The following CORIN variants were observed in gnomAD, a reference collection of about 807,000 sequenced individuals.
CORIN encodes the protein corin, serine peptidase, also known as atrial natriuretic peptide-converting enzyme.
A neutral mutation model predicts 125.3 loss-of-function variants in CORIN; 117 were observed. The observed-to-expected ratio is 0.93, with a 90% CI of 0.80 to 1.09. The LOEUF is 1.09. CORIN is among the 50% of genes least tolerant of loss of function. The pLI is 0.00. For synonymous variants in CORIN, 450 were observed against 466.4 expected, an observed-to-expected ratio of 0.96 and a Z score of 0.45; for missense variants, 1,253 against 1,306.7, an observed-to-expected ratio of 0.96 and a Z score of 0.63.
At chr4:47,599,261 GGAGCT>G (rs1435361172) in intron 21 of CORIN, among the ~76,000 whole-genome samples, 1 of 152,026 alleles carries the variant, frequency 6.6e-6, no homozygotes, top group African/African-American at 2.4e-5. Context: ...AAATGCCAAG[GGAGCT>G]GTCTGCCTCC....
intron 3 of CORIN, among the ~76,000 whole-genome samples, chr4:47,780,121 C>T (rs1273223662): frequency 6.6e-5 from 10 of 151,570 alleles, no homozygotes; most frequent in African/African-American, 2.2e-4. Flanking sequence ...TAAGCTATTG[C>T]CTTGAAGATA....
chr4:47,641,941 G>A lies in CORIN; in HGVS notation c.2177C>T (p.Ala726Val), dbSNP rs780988498. The A allele has an allele frequency of 5.6e-6, 9 of 1,613,254 alleles. No individual in the cohort carries two copies. The highest frequency in any genetic ancestry group is 1.1e-5 in the South Asian group (1 of 91,050). The change falls in exon 16 of 22, where the codon GCC (alanine) becomes GTC (valine). Residue 726 changes from alanine (A) to valine (V), a missense_variant. Coordinates refer to ENST00000273857, the MANE Select transcript of CORIN (RefSeq NM_006587.4). ...DGWQEILSQL[A>V]CKQMGLGEPS... Reference sequence around the variant, plus strand: ...TTACCCTAAACCCATCTGCTTGCAGGCCAGCTGACTCAATATCTCCTGCCA... The same window carrying A: ...TTACCCTAAACCCATCTGCTTGCAGACCAGCTGACTCAATATCTCCTGCCA...
chr4:47,744,601 G>A lies in CORIN; in HGVS notation c.618-18C>T. ...GTCCATGACTAAAAAAAAAAAAAGA[G>A]AAAGGTGAAAATTAGTGTCTTTACA... is the stretch of plus-strand genomic sequence containing the variant. On this transcript the variant is annotated intron_variant, in intron 4 of 21. Coordinates refer to ENST00000273857, the MANE Select transcript of CORIN (RefSeq NM_006587.4). 6.5e-7 allele frequency: 1 copy of A among 1,534,752 alleles called. No individual in the cohort carries two copies. Among genetic ancestry groups the A allele is most frequent in the Non-Finnish European group, 8.8e-7 (1 of 1,136,168 alleles).
intron 15 of CORIN, 81 bp downstream of exon 15, chr4:47,643,064 AG>A: frequency 6.2e-7 from 1 of 1,605,478 alleles, no homozygotes; most frequent in Non-Finnish European, 8.5e-7. Flanking sequence ...AGTAAAATCC[AG>A]GAAGTAATTT....
intron 16 of CORIN, among the ~76,000 whole-genome samples, chr4:47,627,226 G>T (rs772909206): frequency 6.6e-5 from 10 of 152,030 alleles, no homozygotes; most frequent in Admixed American, 6.5e-4. Context: ...CAAGTGGTCT[G>T]CCCACCTCAG....
chr4:47,695,736 TTC>T (rs968614668), intron 5 of CORIN, among the ~76,000 whole-genome samples: 2 of 152,236 alleles, frequency 1.3e-5, no homozygotes, highest in Non-Finnish European at 2.9e-5. Context: ...TGTAAAATCT[TTC>T]TGTTTGATTT....
intron 5 of CORIN, among the ~76,000 whole-genome samples, chr4:47,709,326 C>G (rs560523815): frequency 1.3e-5 from 2 of 152,014 alleles, no homozygotes; most frequent in Non-Finnish European, 2.9e-5. Flanking sequence ...CAAGGTCTCC[C>G]TCTGTCGCCC....
At chr4:47,676,546 T>C (rs1305295301) in intron 9 of CORIN, among the ~76,000 whole-genome samples, 2 of 152,194 alleles carry the variant, frequency 1.3e-5, no homozygotes, top group Non-Finnish European at 2.9e-5. Context: ...TAATAATTCG[T>C]AGCATGCCTA....
chr4:47,747,020 G>T, intron 4 of CORIN, among the ~76,000 whole-genome samples: 1 of 152,142 alleles, frequency 6.6e-6, no homozygotes, highest in East Asian at 1.9e-4. Context: ...CCACAGTAAA[G>T]CTATAAAACA....
chr4:47,761,299 T>C (rs767766824), intron 4 of CORIN, among the ~76,000 whole-genome samples: 2 of 152,218 alleles, frequency 1.3e-5, no homozygotes, highest in African/African-American at 2.4e-5. Flanking sequence ...GATATGCCAC[T>C]CTTCCCTTCA....
At chr4:47,719,185 T>C (rs533917574) in intron 5 of CORIN, among the ~76,000 whole-genome samples, 1 of 152,320 alleles carries the variant, frequency 6.6e-6, no homozygotes, top group Admixed American at 6.5e-5. Flanking sequence ...CTTTGGCAAG[T>C]AGTATGACAA....
intron 5 of CORIN, among the ~76,000 whole-genome samples, chr4:47,728,374 C>A (rs141256032): frequency 2.0e-5 from 3 of 152,032 alleles, no homozygotes; most frequent in African/African-American, 7.2e-5. Flanking sequence ...GAAACAAATA[C>A]GAAACTTAGA....
At chr4:47,686,434 G>A (rs1427243971) in intron 6 of CORIN, among the ~76,000 whole-genome samples, 2 of 152,040 alleles carry the variant, frequency 1.3e-5, no homozygotes, top group Admixed American at 6.6e-5. Flanking sequence ...AAGTCCTAGC[G>A]ATCACCTTGA....
At chr4:47,785,026 C>T (rs1408779230) in intron 3 of CORIN, among the ~76,000 whole-genome samples, 2 of 152,120 alleles carry the variant, frequency 1.3e-5, no homozygotes, top group African/African-American at 2.4e-5. Context: ...TTTCCTGGCT[C>T]AAAATAAAAA....
At chr4:47,669,513 A>G (rs188879857) in intron 10 of CORIN, among the ~76,000 whole-genome samples, 1 of 151,540 alleles carries the variant, frequency 6.6e-6, no homozygotes, top group East Asian at 1.9e-4. Flanking sequence ...AACCTTCCAT[A>G]TATCTTGTCT....
At chr4:47,635,180 A>T (rs1722972605) in intron 16 of CORIN, among the ~76,000 whole-genome samples, 1 of 152,236 alleles carries the variant, frequency 6.6e-6, no homozygotes, top group South Asian at 2.1e-4. Flanking sequence ...AGCCAGATAG[A>T]CAAGGGTTAA....
chr4:47,659,579 G>A (rs901605631), intron 12 of CORIN, among the ~76,000 whole-genome samples: 2 of 152,162 alleles, frequency 1.3e-5, no homozygotes, highest in African/African-American at 4.8e-5. Flanking sequence ...AGTAGGGGAA[G>A]AGATGCTACA....
chr4:47,730,290 T>C (rs1727809988), intron 5 of CORIN, among the ~76,000 whole-genome samples: 2 of 151,756 alleles, frequency 1.3e-5, no homozygotes, highest in African/African-American at 4.8e-5. Flanking sequence ...CTGGCCAATA[T>C]GGTGAAACCC....
intron 16 of CORIN, among the ~76,000 whole-genome samples, chr4:47,636,687 G>A (rs952482686): frequency 3.3e-5 from 5 of 152,194 alleles, no homozygotes; most frequent in African/African-American, 7.2e-5. Context: ...TGCCATCCAC[G>A]TGAGATGTGA....
Sources: allele counts gnomAD v4.1 joint callset (sites outside exome capture counted in the v4.1 genomes callset), GRCh38; gene constraint gnomAD v4.1.1; transcripts MANE v1.5; gene names NCBI Gene and HGNC (gene_info 2026-07-23, HGNC 2026-07-21).